Variants in SLCO1B3 observed in about 807,000 individuals in gnomAD.
SLCO1B3 encodes liver-specific organic anion transporter 2.
Under a neutral mutation model 71.8 loss-of-function variants are expected in SLCO1B3, and 72 were observed. That is an observed-to-expected ratio of 1.00 (90% confidence interval 0.83 to 1.22). SLCO1B3 has a LOEUF of 1.22. SLCO1B3 is among the 50% of genes most tolerant of loss of function. SLCO1B3 has a pLI of 0.00. For synonymous variants in SLCO1B3, 298 were observed against 278.4 expected, an observed-to-expected ratio of 1.07 and a Z score of -0.70; for missense variants, 911 against 819.7, an observed-to-expected ratio of 1.11 and a Z score of -1.36.
chr12:20,883,356 G>A, intron 12 of SLCO1B3, 62 bp from the exon 13 acceptor site: 1 of 893,134 alleles, frequency 1.1e-6, no homozygotes, highest in Non-Finnish European at 1.6e-6. Flanking sequence ...ATAATGGAAT[G>A]TATTCATAGC....
chr12:20,863,582 A>C (rs1217072309), intron 8 of SLCO1B3, among the ~76,000 whole-genome samples: 2 of 152,176 alleles, frequency 1.3e-5, no homozygotes, highest in Non-Finnish European at 2.9e-5. Flanking sequence ...TAATATTAGT[A>C]GATCCAACTG....
intron 14 of SLCO1B3, among the ~76,000 whole-genome samples, chr12:20,901,030 C>G (rs959502973): frequency 1.3e-5 from 2 of 152,094 alleles, no homozygotes; most frequent in Non-Finnish European, 2.9e-5. Flanking sequence ...GTTTTACTAA[C>G]AACATTCCCC....
Position 20,916,594 on chromosome 12 carries a change from T to A in SLCO1B3, c.*347T>A, listed in dbSNP as rs1591797078. The A allele has an allele frequency of 2.6e-5, 4 of 156,760 alleles. No homozygotes were observed. The highest frequency in any genetic ancestry group is 2.0e-4 in the South Asian group (1 of 5,118). 9.7% of individuals were successfully genotyped at this position (156,760 alleles called of 1,614,324 possible). A position where few individuals can be genotyped will look rare whatever the true frequency, so the allele number is the denominator to read the frequency against. ...AATAAAGAGAAAAGCCTGATGCCTT[T>A]AAAAAAAATGAAACACTTTGGATGT... is the stretch of plus-strand genomic sequence containing the variant. On this transcript the variant is annotated 3_prime_UTR_variant, in exon 16 of 16. Transcript: ENST00000381545.
chr12:20,875,540 TA>T (rs1037936412), intron 9 of SLCO1B3, 63 bp downstream of exon 9: 369 of 1,458,718 alleles, frequency 2.5e-4, no homozygotes, highest in Admixed American at 3.9e-4. Flanking sequence ...GAGAAGTGAG[TA>T]AAAAAAAATA....
intron 3 of SLCO1B3, among the ~76,000 whole-genome samples, chr12:20,823,539 T>C (rs1461281863): frequency 2.6e-5 from 4 of 152,194 alleles, no homozygotes; most frequent in African/African-American, 7.2e-5. Flanking sequence ...GTAGGACCAA[T>C]TTATTGGTAA....
In SLCO1B3 at chr12:20,906,671, AAAG is replaced by A. The variant is rs199799106; in HGVS notation, c.1865+5211_1865+5213del. ...ACAAAAAAATCACGAAACATTTTTC[AAAG>A]AAGAAGTCACTAATGGTTATGAAAC... On this transcript the variant is annotated intron_variant, in intron 15 of 15. Transcript: ENST00000381545. Among the ~76,000 whole-genome samples the A allele has an allele frequency of 2.4e-3, 364 of 152,318 alleles. 11 individuals carry two copies. In the East Asian group the frequency reaches 0.061, roughly 26 times the overall value.
At chr12:20,831,903 A>G (rs533569307) in intron 3 of SLCO1B3, among the ~76,000 whole-genome samples, 43 of 152,280 alleles carry the variant, frequency 2.8e-4, no homozygotes, top group African/African-American at 9.1e-4. Flanking sequence ...GTTTGCGTTA[A>G]TAGATTTTCT....
chr12:20,902,198 T>G (rs956194625), intron 15 of SLCO1B3: 1 of 174,822 alleles, frequency 5.7e-6, no homozygotes, highest in African/African-American at 2.4e-5. Context: ...ATAGGACTGA[T>G]GGGTTGAATG....
intron 4 of SLCO1B3, among the ~76,000 whole-genome samples, chr12:20,857,531 A>G (rs1330321315): frequency 2.2e-4 from 34 of 151,722 alleles, no homozygotes; most frequent in Admixed American, 2.2e-3. Flanking sequence ...TTTTAATTAT[A>G]TTTTAAATTT....
intron 5 of SLCO1B3, among the ~76,000 whole-genome samples, chr12:20,859,658 ATCT>A (rs1865214524): frequency 6.6e-6 from 1 of 151,748 alleles, no homozygotes; most frequent in African/African-American, 2.4e-5. Context: ...ATTCCCTCTA[ATCT>A]TCTTAATATC....
intron 8 of SLCO1B3, among the ~76,000 whole-genome samples, chr12:20,871,593 C>A (rs996933490): frequency 6.6e-6 from 1 of 152,104 alleles, no homozygotes; most frequent in Non-Finnish European, 1.5e-5. Context: ...TGGCCACAAC[C>A]TCAATAATAC....
chr12:20,914,354 T>C (rs952028612), intron 15 of SLCO1B3, among the ~76,000 whole-genome samples: 2 of 152,118 alleles, frequency 1.3e-5, no homozygotes, highest in Non-Finnish European at 2.9e-5. Context: ...GTTTATATTT[T>C]AGTAACACTT....
At chr12:20,847,422 T>G (rs1864940523) in intron 3 of SLCO1B3, among the ~76,000 whole-genome samples, 1 of 152,114 alleles carries the variant, frequency 6.6e-6, no homozygotes, top group South Asian at 2.1e-4. Flanking sequence ...AACTAAATTT[T>G]TCCCTCCCTG....
chr12:20,892,453 A>G (rs542585947), intron 13 of SLCO1B3, among the ~76,000 whole-genome samples: 9 of 152,246 alleles, frequency 5.9e-5, no homozygotes, highest in Admixed American at 3.3e-4. Flanking sequence ...TTACATACTG[A>G]TGAGAATCAT....
chr12:20,841,194 A>G (rs1864792769), intron 3 of SLCO1B3, among the ~76,000 whole-genome samples: 1 of 152,014 alleles, frequency 6.6e-6, no homozygotes. Context: ...CCAATCTTGG[A>G]GACAGTGGTT....
intron 3 of SLCO1B3, among the ~76,000 whole-genome samples, chr12:20,847,290 C>T (rs906481803): frequency 6.6e-6 from 1 of 152,054 alleles, no homozygotes; most frequent in Non-Finnish European, 1.5e-5. Context: ...CCTTCCTTGC[C>T]AATTACATAT....
chr12:20,837,880 C>T (rs918415018), intron 3 of SLCO1B3, among the ~76,000 whole-genome samples: 41 of 152,018 alleles, frequency 2.7e-4, no homozygotes, highest in African/African-American at 9.4e-4. Context: ...TATTTTCTAT[C>T]TGTTTCTGCC....
At chr12:20,817,288 A>G (rs188676843) in intron 3 of SLCO1B3, among the ~76,000 whole-genome samples, 8 of 152,296 alleles carry the variant, frequency 5.3e-5, no homozygotes, top group Admixed American at 5.2e-4. Context: ...GCCCAGATGA[A>G]CGTCCTGGAG....
At chr12:20,879,762 A>G in intron 11 of SLCO1B3, 131 bp downstream of exon 11, 3 of 664,772 alleles carry the variant, frequency 4.5e-6, no homozygotes, top group Non-Finnish European at 6.9e-6. Flanking sequence ...TCAATTTTCA[A>G]ATTCTTAAAA....
Sources: allele counts gnomAD v4.1 joint callset (sites outside exome capture counted in the v4.1 genomes callset), GRCh38; gene constraint gnomAD v4.1.1; transcripts MANE v1.5; gene names NCBI Gene and HGNC (gene_info 2026-07-23, HGNC 2026-07-21).